SPTLC3: variants seen among roughly 807,000 people sequenced by gnomAD.
SPTLC3 encodes the protein serine palmitoyltransferase long chain base subunit 3, also known as serine palmitoyltransferase 3.
Under a neutral mutation model 59.3 loss-of-function variants are expected in SPTLC3, and 36 were observed. That is an observed-to-expected ratio of 0.61 (90% CI 0.47 to 0.80). The LOEUF (loss-of-function observed/expected upper bound fraction) is 0.80. Ranked by LOEUF, SPTLC3 falls within the 30% of genes least tolerant of loss-of-function variation. The pLI is 0.00. For synonymous variants in SPTLC3, 257 were observed against 240.8 expected (o/e 1.07, Z -0.62); for missense variants, 625 against 685.1 (o/e 0.91, Z 0.98).
chr20:13,075,608 G>A (rs1988617369), intron 4 of SPTLC3, among the ~76,000 whole-genome samples: 1 of 152,140 alleles, frequency 6.6e-6, no homozygotes, highest in Non-Finnish European at 1.5e-5. Flanking sequence ...CATAAGGGCT[G>A]GAGATGTTAA....
intron 9 of SPTLC3, among the ~76,000 whole-genome samples, chr20:13,137,329 T>G (rs1233080264): frequency 6.6e-6 from 1 of 152,146 alleles, no homozygotes; most frequent in African/African-American, 2.4e-5. Flanking sequence ...ACACACTGCC[T>G]TTAGCAGGGT....
At chr20:13,009,707 A>G (rs765068874) in intron 1 of SPTLC3, among the ~76,000 whole-genome samples, 63 of 152,206 alleles carry the variant, frequency 4.1e-4, no homozygotes, top group Admixed American at 2.6e-3. Context: ...AACTCTTTGC[A>G]TATATTTTTG....
At chr20:13,106,397 T>TA (rs1226912347) in intron 6 of SPTLC3, among the ~76,000 whole-genome samples, 2 of 152,092 alleles carry the variant, frequency 1.3e-5, no homozygotes, top group Non-Finnish European at 2.9e-5. Context: ...TAAAAAATAA[T>TA]AGACAAGTCG....
At chr20:13,082,313 A>G (rs923632923) in intron 4 of SPTLC3, among the ~76,000 whole-genome samples, 10 of 152,310 alleles carry the variant, frequency 6.6e-5, no homozygotes, top group African/African-American at 2.4e-4. Flanking sequence ...AGAAGACTAG[A>G]CATCAGTTCT....
At chr20:13,019,368 G>A (rs1233524253) in intron 1 of SPTLC3, among the ~76,000 whole-genome samples, 1 of 152,132 alleles carries the variant, frequency 6.6e-6, no homozygotes, top group Non-Finnish European at 1.5e-5. Flanking sequence ...CTAAACTATA[G>A]GCAAACAGAG....
chr20:13,045,351 C>G (rs559175180), intron 1 of SPTLC3, among the ~76,000 whole-genome samples: 5 of 152,152 alleles, frequency 3.3e-5, no homozygotes, highest in Non-Finnish European at 5.9e-5. Context: ...AATAACAATG[C>G]TTATCTGCAG....
chr20:13,074,442 A>C lies in SPTLC3; in HGVS notation c.552A>C (p.Ile184=). Residue 184 remains isoleucine (I), a synonymous_variant, in exon 4 of 12, where the codon ATA becomes ATC. Coordinates refer to ENST00000399002, the MANE Select transcript of SPTLC3 (RefSeq NM_018327.4). ...AAKYDESMRT[I]KDVLEVYGTG... ...AGTATGATGAGTCTATGAGGACAAT[A>C]AAGGATGTTTTAGAGGTGTATGGCA... is the stretch of plus-strand genomic sequence containing the variant. 1 of 1,614,110 alleles carries C rather than the reference A, an allele frequency of 6.2e-7. No individual in the cohort carries two copies. The highest frequency in any genetic ancestry group is 2.2e-5 in the East Asian group (1 of 44,872).
intron 2 of SPTLC3, among the ~76,000 whole-genome samples, chr20:13,056,845 G>A (rs1987752638): frequency 6.6e-6 from 1 of 151,162 alleles, no homozygotes. Flanking sequence ...AGGTTCAAGT[G>A]ATTCTCCTGC....
At chr20:13,158,717 G>A (rs1168641239) in intron 10 of SPTLC3, among the ~76,000 whole-genome samples, 1 of 152,094 alleles carries the variant, frequency 6.6e-6, no homozygotes, top group Admixed American at 6.5e-5. Flanking sequence ...ATGTTGCCTC[G>A]CCCAAGCCAG....
At chr20:13,136,130 A>G (rs112808851) in intron 9 of SPTLC3, among the ~76,000 whole-genome samples, 41 of 152,348 alleles carry the variant, frequency 2.7e-4, no homozygotes, top group African/African-American at 8.4e-4. Flanking sequence ...ATTTTTCTTC[A>G]AAGTCACACA....
At chr20:13,105,804 T>C (rs1989858960) in intron 6 of SPTLC3, among the ~76,000 whole-genome samples, 1 of 152,192 alleles carries the variant, frequency 6.6e-6, no homozygotes, top group Non-Finnish European at 1.5e-5. Context: ...TCACCATCTC[T>C]TTATTCCATT....
intron 9 of SPTLC3, among the ~76,000 whole-genome samples, chr20:13,137,252 GAAGTACTC>G (rs913047083): frequency 1.3e-5 from 2 of 152,182 alleles, no homozygotes; most frequent in African/African-American, 4.8e-5. Context: ...GATGAGTTGG[GAAGTACTC>G]AAAGCTTTCC....
At chr20:13,009,541 C>G (rs547051579) in intron 1 of SPTLC3, among the ~76,000 whole-genome samples, 157 bp downstream of exon 1, 16 of 152,222 alleles carry the variant, frequency 1.1e-4, no homozygotes, top group African/African-American at 3.9e-4. Context: ...GCTTGGCTAC[C>G]AAAAAGTTTA....
In SPTLC3 at chr20:13,110,169, C is replaced by A. The variant is rs1171480118; in HGVS notation, c.884C>A (p.Thr295Asn). Residue 295 changes from threonine to asparagine, a missense_variant, in exon 7 of 12, where the codon ACC becomes AAC. By Grantham distance (65) the Thr-to-Asn change is moderately conservative. Coordinates refer to ENST00000399002, the MANE Select transcript of SPTLC3 (RefSeq NM_018327.4). ...GCTGTCATCTATGGCCAGCCTCGAA[C>A]CCGCAGAGCTTGGAAAAAGATTCTC... Reference protein sequence around the residue: ...RDAVIYGQPRTRRAWKKILIL... With the variant: ...RDAVIYGQPRNRRAWKKILIL... 5.6e-6 allele frequency: 9 copies of A among 1,613,484 alleles called. No homozygotes were observed. The highest frequency in any genetic ancestry group is 7.6e-6 in the Non-Finnish European group (9 of 1,179,764).
chr20:13,040,771 G>C (rs771817373), intron 1 of SPTLC3, among the ~76,000 whole-genome samples: 1 of 151,938 alleles, frequency 6.6e-6, no homozygotes, highest in African/African-American at 2.4e-5. Flanking sequence ...TGAAAGGTGG[G>C]TCTGCTATTA....
At position 13,168,180 on chromosome 20, in the gene SPTLC3, CTT is replaced by C. The variant is rs55633710; in HGVS notation, c.*3329_*3330del. ...TGTGGTATCTTTCTTTTCTTTCTTT[CTT>C]TTTTTTTTTTTTTTTGAGACAGAGT... On this transcript the variant is annotated 3_prime_UTR_variant, in exon 12 of 12. Coordinates refer to ENST00000399002, the MANE Select transcript of SPTLC3 (RefSeq NM_018327.4). The C allele has an allele frequency of 0.17, 24,234 of 139,738 alleles. 1,887 individuals carry two copies. Among genetic ancestry groups the C allele is most frequent in the East Asian group, 0.2 (992 of 4,902 alleles). The allele number at this position is 139,738 out of a possible 1,614,324, so 8.7% of individuals were successfully genotyped here.
At chr20:13,135,975 C>G (rs2038232782) in intron 9 of SPTLC3, among the ~76,000 whole-genome samples, 1 of 152,170 alleles carries the variant, frequency 6.6e-6, no homozygotes, top group Non-Finnish European at 1.5e-5. Flanking sequence ...GAAAGGGAAA[C>G]AGTAATGGAA....
chr20:13,009,402 C>A lies in SPTLC3; in HGVS notation c.117+18C>A. 1 of 1,588,944 alleles carries A rather than the reference C, an allele frequency of 6.3e-7. No homozygotes were observed. Among genetic ancestry groups the A allele is most frequent in the South Asian group, 1.1e-5 (1 of 90,408 alleles). Reference sequence around the variant, plus strand: ...AAGCCCAGGTAAGAGGCACTCTCCCCTACTCTTCTCTGAATTACCTGAACG... The same window carrying A: ...AAGCCCAGGTAAGAGGCACTCTCCCATACTCTTCTCTGAATTACCTGAACG... On this transcript the variant is annotated intron_variant, in intron 1 of 11. Coordinates refer to ENST00000399002, the MANE Select transcript of SPTLC3 (RefSeq NM_018327.4).
chr20:13,052,823 A>G (rs772137372), intron 2 of SPTLC3, among the ~76,000 whole-genome samples: 1 of 152,176 alleles, frequency 6.6e-6, no homozygotes, highest in Non-Finnish European at 1.5e-5. Context: ...AAGCCGCTGT[A>G]GCCAGACTGC....
Sources: allele counts gnomAD v4.1 joint callset (sites outside exome capture counted in the v4.1 genomes callset), GRCh38; gene constraint gnomAD v4.1.1; transcripts MANE v1.5; gene names NCBI Gene and HGNC (gene_info 2026-07-23, HGNC 2026-07-21).